Variants in PLXNA4 observed in about 807,000 individuals in gnomAD.
PLXNA4 encodes the protein plexin-A4.
A neutral mutation model predicts 191.8 loss-of-function variants in PLXNA4; 44 were observed. That is an observed-to-expected ratio of 0.23 (90% CI 0.18 to 0.29). PLXNA4 has a LOEUF of 0.29. Among genes scored for constraint, PLXNA4 ranks in the 10% least tolerant of loss-of-function variants. The pLI, the probability that PLXNA4 is intolerant of heterozygous loss-of-function variation, is 1.00. For missense variants in PLXNA4, 1,800 were observed against 2,488.8 expected (o/e 0.72, Z 5.89); for synonymous variants, 1,082 against 1,009.5 (o/e 1.07, Z -1.36).
chr7:132,146,882 C>G (rs1348365326), intron 27 of PLXNA4, among the ~76,000 whole-genome samples, 182 bp from the exon 28 acceptor site: 1 of 152,226 alleles, frequency 6.6e-6, no homozygotes, highest in Non-Finnish European at 1.5e-5. Flanking sequence ...TTTCTCACCA[C>G]CTCCAGGAAA....
rs555262326 is a variant in PLXNA4, at chr7:132,351,632, C to T, written c.1372-53410G>A. Among the ~76,000 whole-genome samples the T allele has an allele frequency of 7.9e-5, 12 of 152,324 alleles. No individual in the cohort carries two copies. The East Asian group carries it at 2.3e-3, about 29-fold the overall frequency. On this transcript the variant is annotated intron_variant, in intron 3 of 31. Transcript: ENST00000321063. Reference sequence around the variant, plus strand: ...TACTTCCCATCCACCTTCTCCATTACAATGGAAGGCAACAAAGCCAACAGG... The same window carrying T: ...TACTTCCCATCCACCTTCTCCATTATAATGGAAGGCAACAAAGCCAACAGG...
intron 1 of PLXNA4, among the ~76,000 whole-genome samples, chr7:132,556,733 C>T (rs1028927763): frequency 1.3e-5 from 2 of 152,202 alleles, no homozygotes; most frequent in African/African-American, 4.8e-5. Context: ...GTCCTTGGCG[C>T]TGTGCTGTTT....
intron 1 of PLXNA4, among the ~76,000 whole-genome samples, chr7:132,509,435 A>G (rs1798619560): frequency 6.6e-6 from 1 of 152,160 alleles, no homozygotes; most frequent in African/African-American, 2.4e-5. Flanking sequence ...CCAAATTTGT[A>G]TGTGCTGTCT....
At chr7:132,551,266 A>G (rs1358421884) in intron 1 of PLXNA4, among the ~76,000 whole-genome samples, 1 of 152,168 alleles carries the variant, frequency 6.6e-6, no homozygotes, top group Non-Finnish European at 1.5e-5. Context: ...CAGAAGAGCC[A>G]GTGGGAAATT....
At chr7:132,223,462 G>T in intron 9 of PLXNA4, 65 bp downstream of exon 9, 1 of 1,350,754 alleles carries the variant, frequency 7.4e-7, no homozygotes, top group Non-Finnish European at 1.0e-6. Flanking sequence ...TTAAGGGAAT[G>T]CCTCTCTTCT....
chr7:132,409,734 A>G (rs558749567), intron 3 of PLXNA4, among the ~76,000 whole-genome samples: 3 of 152,314 alleles, frequency 2.0e-5, no homozygotes, highest in African/African-American at 7.2e-5. Flanking sequence ...CCTGATATTC[A>G]TCCAGCATGC....
intron 3 of PLXNA4, among the ~76,000 whole-genome samples, chr7:132,417,473 C>T (rs1794698861): frequency 6.6e-6 from 1 of 152,302 alleles, no homozygotes; most frequent in Admixed American, 6.5e-5. Context: ...AGGATATAGA[C>T]TTTGTCCAGT....
chr7:132,184,843 A>T (rs1013743284), intron 16 of PLXNA4, among the ~76,000 whole-genome samples: 2 of 152,094 alleles, frequency 1.3e-5, no homozygotes, highest in Non-Finnish European at 2.9e-5. Flanking sequence ...AGGTATTTGG[A>T]TGGGGCCTCC....
At chr7:132,320,477 A>G (rs1003560130) in intron 3 of PLXNA4, among the ~76,000 whole-genome samples, 36 of 152,316 alleles carry the variant, frequency 2.4e-4, no homozygotes, top group African/African-American at 8.4e-4. Flanking sequence ...CAAAGACCCT[A>G]TTTACAAAAA....
intron 1 of PLXNA4, among the ~76,000 whole-genome samples, chr7:132,558,999 G>C (rs1800916087): frequency 6.6e-6 from 1 of 152,112 alleles, no homozygotes; most frequent in African/African-American, 2.4e-5. Context: ...ATGTAACAAG[G>C]ACACCCCCGG....
intron 28 of PLXNA4, among the ~76,000 whole-genome samples, chr7:132,145,759 C>T (rs1419179912): frequency 6.6e-6 from 1 of 151,764 alleles, no homozygotes; most frequent in East Asian, 1.9e-4. Context: ...AAGCAACGTC[C>T]CCAGAACCAG....
At chr7:132,454,750 C>T (rs1331899044) in intron 3 of PLXNA4, among the ~76,000 whole-genome samples, 1 of 151,812 alleles carries the variant, frequency 6.6e-6, no homozygotes, top group Non-Finnish European at 1.5e-5. Context: ...AGAGGAAAGG[C>T]CATGTGAAGA....
rs547967987 is a variant in PLXNA4 at position 132,298,340 on chromosome 7, T to C, written c.1372-118A>G. ...GAGGGCATGAGTTCTGTCTCCACAG[T>C]GCTCACAGGCTAAAGCCAAGGAGTG... On this transcript the variant is annotated intron_variant, in intron 3 of 31. Coordinates refer to ENST00000321063, the MANE Select transcript of PLXNA4 (RefSeq NM_020911.2). 29 of 1,343,678 alleles carry C rather than the reference T, an allele frequency of 2.2e-5. No individual in the cohort carries two copies. The East Asian group carries it at 6.4e-4, about 30-fold the overall frequency. 83.2% of individuals were successfully genotyped at this position (1,343,678 alleles called of 1,614,324 possible).
Position 132,159,442 on chromosome 7 carries a change from AGGACAGCCCCTGGGT to A in PLXNA4, c.4660+16_4660+30del. On this transcript the variant is annotated intron_variant, in intron 25 of 31. Coordinates refer to ENST00000321063, the MANE Select transcript of PLXNA4 (RefSeq NM_020911.2). ...TGAGGTGTGTTCAGGAGCAGCCACAAGGACAGCCCCTGGGTGGACAGCCTACTCACCCAGATCCAT... is the reference window on the plus strand; with the variant it reads ...TGAGGTGTGTTCAGGAGCAGCCACAAGGACAGCCTACTCACCCAGATCCAT... 1 of 1,611,220 alleles carries A rather than the reference AGGACAGCCCCTGGGT, an allele frequency of 6.2e-7. No individual in the cohort carries two copies. Among genetic ancestry groups the A allele is most frequent in the Non-Finnish European group, 8.5e-7 (1 of 1,178,318 alleles).
intron 3 of PLXNA4, among the ~76,000 whole-genome samples, chr7:132,416,453 AG>A (rs1289955815): frequency 2.0e-5 from 3 of 152,212 alleles, no homozygotes; most frequent in Admixed American, 2.0e-4. Flanking sequence ...CAGGTCACAT[AG>A]CCAGTTATGT....
intron 10 of PLXNA4, among the ~76,000 whole-genome samples, chr7:132,207,252 G>A (rs1448735572): frequency 6.6e-6 from 1 of 152,160 alleles, no homozygotes. Context: ...TCTTCCTATT[G>A]CTTCCCTATC....
chr7:132,295,345 A>G (rs552568197), intron 4 of PLXNA4, among the ~76,000 whole-genome samples: 1 of 152,186 alleles, frequency 6.6e-6, no homozygotes, highest in East Asian at 1.9e-4. Context: ...GAATAGTCCA[A>G]TGAAGAATGT....
intron 1 of PLXNA4, among the ~76,000 whole-genome samples, chr7:132,573,769 A>G (rs1802089980): frequency 6.6e-6 from 1 of 152,184 alleles, no homozygotes; most frequent in African/African-American, 2.4e-5. Context: ...GGGAGGCGTG[A>G]TTGGGTAAGA....
At chr7:132,208,192 GA>G (rs933095970) in intron 10 of PLXNA4, among the ~76,000 whole-genome samples, 1 of 152,230 alleles carries the variant, frequency 6.6e-6, no homozygotes, top group African/African-American at 2.4e-5. Context: ...TGCCCCCCAT[GA>G]AAAGAGAGGC....
Sources: allele counts gnomAD v4.1 joint callset (sites outside exome capture counted in the v4.1 genomes callset), GRCh38; gene constraint gnomAD v4.1.1; transcripts MANE v1.5; gene names NCBI Gene and HGNC (gene_info 2026-07-23, HGNC 2026-07-21).